Variants in TOP2B observed in about 807,000 individuals in gnomAD.
The protein encoded by TOP2B is DNA topoisomerase II beta, also known as DNA topoisomerase 2-beta.
In TOP2B, 51 loss-of-function variants were observed where a neutral mutation model predicts 193.5. That is an observed-to-expected ratio of 0.26 (90% confidence interval 0.21 to 0.33). The LOEUF (loss-of-function observed/expected upper bound fraction) is 0.33, where lower values mean the gene tolerates loss of function less well. Among genes scored for constraint, TOP2B ranks in the 10% least tolerant of loss-of-function variants. The pLI, the probability that TOP2B is intolerant of heterozygous loss-of-function variation, is 1.00. For missense variants in TOP2B, 1,378 were observed against 1,909.3 expected, an observed-to-expected ratio of 0.72 and a Z score of 5.19; for synonymous variants, 634 against 635.7, an observed-to-expected ratio of 1.00 and a Z score of 0.04.
chr3:25,645,926 A>ATTTTTTTT (rs756446533), intron 1 of TOP2B, among the ~76,000 whole-genome samples: 2 of 140,502 alleles, frequency 1.4e-5, no homozygotes, highest in Non-Finnish European at 1.5e-5. Flanking sequence ...TGCCCAGGTA[A>ATTTTTTTT]TTTTTTTTTT....
intron 11 of TOP2B, 42 bp downstream of exon 11, chr3:25,630,758 GT>G (rs1702931104): frequency 2.1e-6 from 3 of 1,449,430 alleles, no homozygotes; most frequent in Non-Finnish European, 2.7e-6. Flanking sequence ...CTAAATAAAA[GT>G]GAAACTTAAA....
rs559489533 is a variant in TOP2B, at chr3:25,627,880, G to A, written c.1907-584C>T. Among the ~76,000 whole-genome samples the A allele has an allele frequency of 2.6e-5, 4 of 151,200 alleles. No homozygotes were observed. In the East Asian group the frequency reaches 7.9e-4, roughly 30 times the overall value. On this transcript the variant is annotated intron_variant, in intron 15 of 35. Coordinates refer to ENST00000264331, the MANE Select transcript of TOP2B (RefSeq NM_001330700.2). ...AGGCCGGGACTTCTAGACCACCCTG[G>A]CCAACACAGCAAAACCCCACCCATA...
intron 21 of TOP2B, 92 bp from the exon 22 acceptor site, chr3:25,620,908 A>C: frequency 1.5e-6 from 2 of 1,358,562 alleles, no homozygotes; most frequent in South Asian, 2.9e-5. Flanking sequence ...ACACAACTGA[A>C]ACAGAATTTC....
chr3:25,632,698 A>G lies in TOP2B; in HGVS notation c.1123T>C (p.Phe375Leu). ...KNKAGVSVKP[F>L]QVKNHIWVFI... ...ATATATAACACATCCCTTACTTGAA[A>G]TGGTTTCACTGATACACCAGCTTTG... Residue 375 changes from phenylalanine (F) to leucine (L), a missense_variant, in exon 9 of 36, where the codon TTT becomes CTT. Physicochemically the swap from Phe to Leu is conservative, Grantham distance 22. Transcript: ENST00000264331. 1 of 1,612,774 alleles carries G rather than the reference A, an allele frequency of 6.2e-7. No homozygotes were observed. The highest frequency in any genetic ancestry group is 2.2e-5 in the East Asian group (1 of 44,812).
Position 25,632,547 on chromosome 3 carries a change from T to A in TOP2B, c.1165A>T (p.Ile389Phe), listed in dbSNP as rs1702991353. ...NHIWVFINCL[I>F]ENPTFDSQTK... ...TGAGAATCAAAAGTTGGATTTTCAA[T>A]AAGGCAATTAATAAAAACCCATATA... Residue 389 changes from isoleucine to phenylalanine, a missense_variant, in exon 10 of 36, where the codon ATT becomes TTT. Coordinates refer to ENST00000264331, the MANE Select transcript of TOP2B (RefSeq NM_001330700.2). The A allele has an allele frequency of 6.3e-7, 1 of 1,592,768 alleles. No individual in the cohort carries two copies. The highest frequency in any genetic ancestry group is 1.4e-5 in the African/African-American group (1 of 73,432).
rs1440295926 is a variant in TOP2B, at chr3:25,623,517, T to C, written c.2725A>G (p.Met909Val). The C allele has an allele frequency of 1.6e-5, 25 of 1,612,606 alleles. No homozygotes were observed. Among genetic ancestry groups the C allele is most frequent in the Non-Finnish European group, 1.9e-5 (22 of 1,178,778 alleles). The change falls in exon 21 of 36, where the codon ATG becomes GTG. Residue 909 changes from methionine (M) to valine (V), a missense_variant and splice_region_variant. Physicochemically the swap from Met to Val is conservative, Grantham distance 21. Around this residue, in one of 9 missense-constraint regions of TOP2B, gnomAD observed 379 missense variants for 615.1 expected, o/e 0.62. Coordinates refer to ENST00000264331, the MANE Select transcript of TOP2B (RefSeq NM_001330700.2). ...AATAATAAGTTCCAAATAATTACCA[T>C]GGGATGAGGATCCAGGCCATCTAGC... ...RMLDGLDPHP[M>V]LPNYKNFKGT...
chr3:25,637,733 A>G (rs1703143647), intron 5 of TOP2B, among the ~76,000 whole-genome samples: 1 of 152,060 alleles, frequency 6.6e-6, no homozygotes, highest in African/African-American at 2.4e-5. Flanking sequence ...CTATTTGGGC[A>G]ACATAAATAA....
chr3:25,610,395 ACT>A (rs1457976630), intron 28 of TOP2B, among the ~76,000 whole-genome samples: 1 of 151,854 alleles, frequency 6.6e-6, no homozygotes, highest in African/African-American at 2.4e-5. Context: ...GAAGTGAGAA[ACT>A]CTGCTCAAGG....
At chr3:25,652,856 AAG>A (rs1430677220) in intron 1 of TOP2B, among the ~76,000 whole-genome samples, 1 of 152,130 alleles carries the variant, frequency 6.6e-6, no homozygotes, top group Non-Finnish European at 1.5e-5. Flanking sequence ...CAATGAAACC[AAG>A]AGTTTGTTTT....
In TOP2B at chr3:25,632,543, T is replaced by C. The variant is rs1416194713; in HGVS notation, c.1169A>G (p.Glu390Gly). Residue 390 changes from glutamate to glycine, a missense_variant, in exon 10 of 36, where the codon GAA becomes GGA. Transcript: ENST00000264331. The part of the protein sequence containing the change: ...HIWVFINCLI[E>G]NPTFDSQTKE... ...AGTCTGAGAATCAAAAGTTGGATTTTCAATAAGGCAATTAATAAAAACCCA... is the reference window on the plus strand; with the variant it reads ...AGTCTGAGAATCAAAAGTTGGATTTCCAATAAGGCAATTAATAAAAACCCA... 1 of 1,591,348 alleles carries C rather than the reference T, an allele frequency of 6.3e-7. No individual in the cohort carries two copies. The highest frequency in any genetic ancestry group is 8.5e-7 in the Non-Finnish European group (1 of 1,173,006).
At chr3:25,619,712 G>C (rs1702606941) in intron 23 of TOP2B, 150 bp downstream of exon 23, 5 of 585,936 alleles carry the variant, frequency 8.5e-6, no homozygotes, top group African/African-American at 2.2e-5. Context: ...TGTGCCCCTA[G>C]AATCTTCAGC....
chr3:25,659,416 C>T (rs1703844277), intron 1 of TOP2B, among the ~76,000 whole-genome samples: 1 of 152,172 alleles, frequency 6.6e-6, no homozygotes, highest in African/African-American at 2.4e-5. Flanking sequence ...ATACTTATCA[C>T]TGGATTAAAA....
rs1702580012 is a variant in TOP2B, at chr3:25,618,772, T to C, written c.3141A>G (p.Arg1047=). The change falls in exon 24 of 36, where the codon CGA becomes CGG. Residue 1047 remains arginine (R), a synonymous_variant. Transcript: ENST00000264331. ...CCTTACGTAAACCGTAATAACTTAA[T>C]CGTAAATCAAAGAATTCTTTCAGAA... The part of the protein sequence containing the change: ...QDILKEFFDL[R]LSYYGLRKEW... The C allele has an allele frequency of 1.2e-6, 2 of 1,613,020 alleles. No homozygotes were observed. Among genetic ancestry groups the C allele is most frequent in the Non-Finnish European group, 1.7e-6 (2 of 1,179,400 alleles).
Position 25,649,075 on chromosome 3 carries a change from T to G in TOP2B, c.70-3605A>C, listed in dbSNP as rs74896184. On this transcript the variant is annotated intron_variant, in intron 1 of 35. Transcript: ENST00000264331. ...AAGTAGCAAACATTATTTCTGGAACTGAAGCATACAGTAAATGAATTGAAA... is the reference window on the plus strand; with the variant it reads ...AAGTAGCAAACATTATTTCTGGAACGGAAGCATACAGTAAATGAATTGAAA... Among the ~76,000 whole-genome samples, 439 of 152,294 alleles carry G rather than the reference T, an allele frequency of 2.9e-3. 3 individuals are homozygous for G. The highest frequency in any genetic ancestry group is 0.01 in the African/African-American group (416 of 41,552).
At chr3:25,610,755 T>C (rs527373641) in intron 28 of TOP2B, among the ~76,000 whole-genome samples, 48 of 152,244 alleles carry the variant, frequency 3.2e-4, no homozygotes, top group South Asian at 6.2e-4. Context: ...TAGTAAAATA[T>C]AGAACTTAAA....
rs113174892 is a variant in TOP2B at position 25,663,802 on chromosome 3, T to TAC, written c.69+425_69+426dup. Among the ~76,000 whole-genome samples, 816 of 151,442 alleles carry TAC rather than the reference T, an allele frequency of 5.4e-3. 10 individuals carry two copies. Among genetic ancestry groups the TAC allele is most frequent in the African/African-American group, 0.015 (632 of 41,330 alleles). Reference sequence around the variant, plus strand: ...GCCCCAGAAAGAGCTGCATTTAGAATACACACACACACACACCCCTTTTCC... The same window carrying TAC: ...GCCCCAGAAAGAGCTGCATTTAGAATACACACACACACACACACCCCTTTTCC... On this transcript the variant is annotated intron_variant, in intron 1 of 35. Transcript: ENST00000264331.
At chr3:25,605,925 G>GTTT in intron 32 of TOP2B, 118 bp downstream of exon 32, 1 of 525,148 alleles carries the variant, frequency 1.9e-6, no homozygotes, top group Non-Finnish European at 3.1e-6. Flanking sequence ...TAAAAAGGAA[G>GTTT]TTTTCTACTC....
chr3:25,616,413 G>GA (rs11455813), intron 25 of TOP2B, among the ~76,000 whole-genome samples: 43,439 of 113,810 alleles, frequency 0.38, 7,069 homozygotes, highest in African/African-American at 0.48. Context: ...ACCAAAAGAG[G>GA]AAAAAAAAAA....
At chr3:25,638,040 T>G in intron 5 of TOP2B, 125 bp downstream of exon 5, 1 of 918,478 alleles carries the variant, frequency 1.1e-6, no homozygotes, top group Non-Finnish European at 1.6e-6. Flanking sequence ...TTATACATGA[T>G]AGTTTATAAA....
Sources: gnomAD v4.1 joint callset for allele counts (sites outside exome capture counted in the v4.1 genomes callset) on GRCh38, gnomAD v4.1.1 for gene constraint, gnomAD v4.1.1 regional missense constraint, MANE v1.5 for transcripts, NCBI Gene and HGNC (gene_info 2026-07-23, HGNC 2026-07-21) for gene names.